Variants in TM7SF3 observed in about 807,000 individuals in gnomAD.
TM7SF3 encodes the protein transmembrane 7 superfamily member 3.
A neutral mutation model predicts 65.5 loss-of-function variants in TM7SF3; 60 were observed. The observed-to-expected ratio is 0.92, with a 90% CI of 0.74 to 1.14. TM7SF3 has a LOEUF of 1.14. Among genes scored for constraint, TM7SF3 ranks in the 50% most tolerant of loss-of-function variants. TM7SF3 has a pLI of 0.00. For synonymous variants in TM7SF3, 264 were observed against 259.6 expected, an observed-to-expected ratio of 1.02 and a Z score of -0.16; for missense variants, 623 against 684.8, an observed-to-expected ratio of 0.91 and a Z score of 1.01.
chr12:26,991,058 C>T (rs889608235), intron 5 of TM7SF3, among the ~76,000 whole-genome samples: 15 of 151,888 alleles, frequency 9.9e-5, no homozygotes, highest in South Asian at 2.1e-4. Context: ...GTTAACATCT[C>T]GCAGACAGTA....
At position 26,974,113 on chromosome 12, in the gene TM7SF3, T is replaced by C; in HGVS notation, c.1565A>G (p.Gln522Arg). ...GTTTGTCACTCGGCGCTCTCTCTCT[T>C]GCTTCCATAACTTGTATGGGTGGGG... ...FPPHPYKLWK[Q>R]ERERRVTNIL... The change falls in exon 12 of 12, where the codon CAA (glutamine) becomes CGA (arginine). Residue 522 changes from glutamine to arginine, a missense_variant. Coordinates refer to ENST00000343028, the MANE Select transcript of TM7SF3 (RefSeq NM_016551.3). 3 of 1,614,170 alleles carry C rather than the reference T, an allele frequency of 1.9e-6. No individual in the cohort carries two copies. Among genetic ancestry groups the C allele is most frequent in the Non-Finnish European group, 2.5e-6 (3 of 1,180,028 alleles).
intron 1 of TM7SF3, among the ~76,000 whole-genome samples, chr12:27,009,349 T>C (rs188927713): frequency 3.5e-4 from 54 of 152,270 alleles, no homozygotes; most frequent in African/African-American, 1.3e-3. Flanking sequence ...TAGGAAGAAA[T>C]GATACCTTTA....
At position 26,999,584 on chromosome 12, in the gene TM7SF3, C is replaced by A; in HGVS notation, c.339G>T (p.Gly113=). ...PEQSTCTWYL[G]TSGIQPVQNM... ...TCTGGACAGGCTGTATGCCTGAAGT[C>A]CCCAAGTACCAAGTGCATGTACTCT... Residue 113 remains glycine (G), a synonymous_variant, in exon 3 of 12, where the codon GGG becomes GGT. Transcript: ENST00000343028. 5 of 1,614,128 alleles carry A rather than the reference C, an allele frequency of 3.1e-6. No individual in the cohort carries two copies. Among genetic ancestry groups the A allele is most frequent in the Non-Finnish European group, 4.2e-6 (5 of 1,180,004 alleles).
intron 9 of TM7SF3, chr12:26,979,382 C>A (rs778422417): frequency 1.1e-5 from 2 of 177,296 alleles, no homozygotes; most frequent in Middle Eastern, 2.6e-3. Context: ...GATTAAGTAC[C>A]TGAGGGACAC....
At chr12:26,975,037 A>G (rs1939509854) in intron 11 of TM7SF3, among the ~76,000 whole-genome samples, 1 of 152,182 alleles carries the variant, frequency 6.6e-6, no homozygotes, top group Non-Finnish European at 1.5e-5. Flanking sequence ...TAATGGATAG[A>G]ATCTTACAAG....
At position 26,980,615 on chromosome 12, in the gene TM7SF3, T is replaced by A. The variant is rs1333061294; in HGVS notation, c.987A>T (p.Gly329=). 2 of 1,578,214 alleles carry A rather than the reference T, an allele frequency of 1.3e-6. No individual in the cohort carries two copies. The highest frequency in any genetic ancestry group is 2.3e-5 in the East Asian group (1 of 44,236). The part of the protein sequence containing the change: ...ELFFIGFIIM[G]FFFYILITRL... ...TTGTAATCAGTATATAAAAGAAGAA[T>A]CCCATGATGATAAAGCCTATGAAGA... The change falls in exon 8 of 12, where the codon GGA becomes GGT. Residue 329 remains glycine (G), a synonymous_variant. Coordinates refer to ENST00000343028, the MANE Select transcript of TM7SF3 (RefSeq NM_016551.3).
chr12:26,999,607 T>A lies in TM7SF3; in HGVS notation c.316A>T (p.Ser106Cys), dbSNP rs769465109. Residue 106 changes from serine to cysteine, a missense_variant, in exon 3 of 12, where the codon AGT (serine) becomes TGT (cysteine). Transcript: ENST00000343028. ...GLVFILRPEQ[S>C]TCTWYLGTSG... Reference sequence around the variant, plus strand: ...GTCCCCAAGTACCAAGTGCATGTACTCTGCTCTGGTCTAAGGATGAAAACC... The same window carrying A: ...GTCCCCAAGTACCAAGTGCATGTACACTGCTCTGGTCTAAGGATGAAAACC... 1.9e-6 allele frequency: 3 copies of A among 1,614,146 alleles called. No individual in the cohort carries two copies. The highest frequency in any genetic ancestry group is 2.5e-6 in the Non-Finnish European group (3 of 1,179,988).
chr12:26,997,481 T>C lies in TM7SF3; in HGVS notation c.398-619A>G, dbSNP rs375964938. ...ATGTATGCCAGCTGAAGCTCCTCTG[T>C]TCATAATTTTTCTTTGTACACTGTC... On this transcript the variant is annotated intron_variant, in intron 3 of 11. Transcript: ENST00000343028. Among the ~76,000 whole-genome samples the C allele has an allele frequency of 3.0e-4, 45 of 152,320 alleles. 2 individuals are homozygous for C. In the South Asian group the frequency reaches 9.1e-3, roughly 31 times the overall value.
intron 6 of TM7SF3, among the ~76,000 whole-genome samples, chr12:26,989,792 C>T (rs946612656): frequency 1.4e-4 from 21 of 152,272 alleles, no homozygotes; most frequent in African/African-American, 4.1e-4. Context: ...CTCTTGCCTC[C>T]GTCTTTTCTC....
At chr12:26,980,508 G>A in intron 8 of TM7SF3, 58 bp downstream of exon 8, 1 of 893,294 alleles carries the variant, frequency 1.1e-6, no homozygotes, top group Non-Finnish European at 1.9e-6. Flanking sequence ...GAAAGGTGAA[G>A]TAAAACACAG....
At chr12:27,007,097 TG>T (rs769429875) in intron 1 of TM7SF3, among the ~76,000 whole-genome samples, 4 of 152,230 alleles carry the variant, frequency 2.6e-5, no homozygotes, top group Non-Finnish European at 5.9e-5. Context: ...ATAGACCATG[TG>T]AGAATACACA....
intron 4 of TM7SF3, among the ~76,000 whole-genome samples, chr12:26,996,024 TA>T (rs923635979): frequency 2.6e-5 from 4 of 151,732 alleles, no homozygotes; most frequent in Non-Finnish European, 5.9e-5. Flanking sequence ...AAATTTTTTT[TA>T]AAAAAAAGCT....
chr12:26,983,570 A>G (rs1449497210), intron 6 of TM7SF3: 9 of 455,230 alleles, frequency 2.0e-5, no homozygotes, highest in Non-Finnish European at 3.5e-5. Flanking sequence ...GATGAGGTGG[A>G]GAGGCAGAGA....
chr12:26,984,736 C>A (rs1592280228), intron 6 of TM7SF3, among the ~76,000 whole-genome samples: 1 of 151,952 alleles, frequency 6.6e-6, no homozygotes. Flanking sequence ...GGGAGAGAAA[C>A]AATTATACAA....
intron 1 of TM7SF3, among the ~76,000 whole-genome samples, chr12:27,006,263 G>C (rs1235030829): frequency 2.0e-5 from 3 of 148,458 alleles, no homozygotes; most frequent in African/African-American, 5.0e-5. Flanking sequence ...TCAACCTCCT[G>C]AGTACCTGGG....
intron 1 of TM7SF3, among the ~76,000 whole-genome samples, chr12:27,008,357 G>C (rs770527805): frequency 6.6e-6 from 1 of 152,010 alleles, no homozygotes; most frequent in African/African-American, 2.4e-5. Flanking sequence ...CAGTCTGTTC[G>C]AGTCTTTTAC....
In TM7SF3 at chr12:26,976,320, C is replaced by A; in HGVS notation, c.1227G>T (p.Trp409Cys). Residue 409 changes from tryptophan (W) to cysteine (C), a missense_variant, in exon 10 of 12, where the codon TGG (tryptophan) becomes TGT (cysteine). Transcript: ENST00000343028. ...LKIFHDDGVF[W>C]VTFSCIAILI... ...GGATAGCTATGCAAGAGAAAGTGACCCAGAATACACCATCATCATGAAAAA... is the reference window on the plus strand; with the variant it reads ...GGATAGCTATGCAAGAGAAAGTGACACAGAATACACCATCATCATGAAAAA... 5 of 1,613,858 alleles carry A rather than the reference C, an allele frequency of 3.1e-6. No homozygotes were observed. Among genetic ancestry groups the A allele is most frequent in the Non-Finnish European group, 4.2e-6 (5 of 1,179,914 alleles).
chr12:26,981,591 A>C (rs535574094), intron 7 of TM7SF3, among the ~76,000 whole-genome samples: 2 of 152,136 alleles, frequency 1.3e-5, no homozygotes, highest in African/African-American at 4.8e-5. Context: ...ATCATTCTAC[A>C]TGTTGAGATA....
chr12:26,984,460 A>AC (rs1466142055), intron 6 of TM7SF3, among the ~76,000 whole-genome samples: 1 of 151,790 alleles, frequency 6.6e-6, no homozygotes, highest in African/African-American at 2.4e-5. Flanking sequence ...AAAAAAAAAA[A>AC]ACCCAGAAAG....
Sources: allele counts gnomAD v4.1 joint callset (sites outside exome capture counted in the v4.1 genomes callset), GRCh38; gene constraint gnomAD v4.1.1; transcripts MANE v1.5; gene names NCBI Gene and HGNC (gene_info 2026-07-23, HGNC 2026-07-21).